The following AP1AR variants were observed in gnomAD, a reference collection of about 807,000 sequenced individuals.
The protein encoded by AP1AR is AP-1 complex-associated regulatory protein.
Under a neutral mutation model 46.3 loss-of-function variants are expected in AP1AR, and 29 were observed. The ratio of observed to expected loss-of-function variants is 0.63; its 90% confidence interval spans 0.47 to 0.85. AP1AR has a LOEUF of 0.85. AP1AR is among the 40% of genes least tolerant of loss of function. AP1AR has a pLI of 0.00. For synonymous variants in AP1AR, 122 were observed against 122.9 expected, an observed-to-expected ratio of 0.99 and a Z score of 0.05; for missense variants, 357 against 356.3, an observed-to-expected ratio of 1.00 and a Z score of -0.02.
At chr4:112,258,950 C>T (rs1726324082) in intron 4 of AP1AR, among the ~76,000 whole-genome samples, 1 of 151,972 alleles carries the variant, frequency 6.6e-6, no homozygotes. Context: ...ACCAAGATCA[C>T]CTAACTGAGG....
chr4:112,257,738 ATTTGT>A (rs33918954), intron 3 of AP1AR, 29 bp from the exon 4 acceptor site: 783,088 of 1,505,916 alleles, frequency 0.52, 213,297 homozygotes, highest in African/African-American at 0.83. Flanking sequence ...TAGCTAATGA[ATTTGT>A]TTTAATTGTT....
chr4:112,240,681 G>T (rs1253085499), intron 1 of AP1AR, among the ~76,000 whole-genome samples: 2 of 152,068 alleles, frequency 1.3e-5, no homozygotes, highest in African/African-American at 4.8e-5. Context: ...TGGAGGCCTG[G>T]CTCATTCCTC....
At chr4:112,235,261 T>C (rs1725190956) in intron 1 of AP1AR, among the ~76,000 whole-genome samples, 1 of 152,256 alleles carries the variant, frequency 6.6e-6, no homozygotes. Context: ...GACTTAGTTT[T>C]TTCTTTCTCA....
chr4:112,232,928 A>G (rs1375234445), intron 1 of AP1AR, among the ~76,000 whole-genome samples: 2 of 152,228 alleles, frequency 1.3e-5, no homozygotes, highest in East Asian at 3.8e-4. Flanking sequence ...TGCACCATCC[A>G]CAGAATAGTA....
chr4:112,260,670 T>C, intron 4 of AP1AR, 96 bp from the exon 5 acceptor site: 2 of 751,200 alleles, frequency 2.7e-6, no homozygotes, highest in East Asian at 2.9e-5. Context: ...ACAGCAAAAT[T>C]TGAGAATTTC....
intron 4 of AP1AR, among the ~76,000 whole-genome samples, chr4:112,259,663 G>A (rs1726355397): frequency 6.6e-6 from 1 of 152,146 alleles, no homozygotes; most frequent in East Asian, 1.9e-4. Flanking sequence ...TCACATGGAA[G>A]AGAGGTGCAA....
At chr4:112,250,902 T>A (rs1190204302) in intron 1 of AP1AR, among the ~76,000 whole-genome samples, 1 of 152,220 alleles carries the variant, frequency 6.6e-6, no homozygotes, top group Non-Finnish European at 1.5e-5. Context: ...ATCACTTATA[T>A]TCATGTTTAT....
At chr4:112,234,038 TTTAGTAGAG>T (rs1253719773) in intron 1 of AP1AR, among the ~76,000 whole-genome samples, 1 of 152,180 alleles carries the variant, frequency 6.6e-6, no homozygotes, top group East Asian at 1.9e-4. Context: ...TTTTTGTATT[TTTAGTAGAG>T]ACCGGGTTTC....
chr4:112,257,907 C>A, intron 4 of AP1AR, 110 bp downstream of exon 4: 2 of 896,190 alleles, frequency 2.2e-6, no homozygotes, highest in South Asian at 2.3e-5. Flanking sequence ...AAACAGTTTA[C>A]ATTTCAGAAC....
intron 1 of AP1AR, among the ~76,000 whole-genome samples, chr4:112,244,913 T>C (rs561151610): frequency 6.6e-6 from 1 of 152,326 alleles, no homozygotes; most frequent in East Asian, 1.9e-4. Flanking sequence ...AATACTGTTT[T>C]TTAGCTTCCT....
intron 1 of AP1AR, among the ~76,000 whole-genome samples, chr4:112,242,473 T>C (rs1725546785): frequency 6.6e-6 from 1 of 151,916 alleles, no homozygotes; most frequent in Non-Finnish European, 1.5e-5. Flanking sequence ...CTTACTTGGC[T>C]CACAATTTTG....
intron 1 of AP1AR, among the ~76,000 whole-genome samples, chr4:112,251,337 C>G (rs538576686): frequency 2.4e-4 from 36 of 152,220 alleles, no homozygotes; most frequent in Non-Finnish European, 7.3e-5. Flanking sequence ...ACAGATAACA[C>G]TTTTGCCTAC....
Position 112,258,111 on chromosome 4 carries a change from C to A in AP1AR, c.185+314C>A, listed in dbSNP as rs1169831144. 2.6e-5 allele frequency among the ~76,000 whole-genome samples: 4 copies of A among 152,056 alleles called. No homozygotes were observed. In the South Asian group the frequency reaches 8.3e-4, roughly 31 times the overall value. ...AATTTTTTAACTTTATTGCCCCTTT[C>A]TTTCCTTATGCATTCTAAAACTTAT... On this transcript the variant is annotated intron_variant, in intron 4 of 9. Transcript: ENST00000274000.
At chr4:112,242,325 A>T (rs1453638599) in intron 1 of AP1AR, among the ~76,000 whole-genome samples, 2 of 152,162 alleles carry the variant, frequency 1.3e-5, no homozygotes, top group Admixed American at 1.3e-4. Context: ...TCCATCGTTC[A>T]GAGTATTATT....
At chr4:112,251,504 T>G (rs1007805331) in intron 1 of AP1AR, among the ~76,000 whole-genome samples, 3 of 152,212 alleles carry the variant, frequency 2.0e-5, no homozygotes, top group African/African-American at 4.8e-5. Context: ...ATGGCTCCTA[T>G]TGATAGTATT....
chr4:112,244,298 A>G (rs1457879009), intron 1 of AP1AR, among the ~76,000 whole-genome samples: 1 of 152,176 alleles, frequency 6.6e-6, no homozygotes, highest in African/African-American at 2.4e-5. Context: ...AGCAATTTTA[A>G]TGGAAGAGCA....
chr4:112,261,766 T>C (rs972399999), intron 5 of AP1AR, among the ~76,000 whole-genome samples: 2 of 151,608 alleles, frequency 1.3e-5, no homozygotes, highest in Non-Finnish European at 2.9e-5. Context: ...CCCAGGAATT[T>C]GAGACCAGCC....
intron 1 of AP1AR, among the ~76,000 whole-genome samples, chr4:112,243,435 A>G (rs1344802173): frequency 6.6e-6 from 1 of 152,044 alleles, no homozygotes; most frequent in Non-Finnish European, 1.5e-5. Context: ...TAATCCTTCC[A>G]CTTCTCTCAC....
intron 3 of AP1AR, 27 bp from the exon 4 acceptor site, chr4:112,257,745 T>G (rs1178099388): frequency 6.5e-7 from 1 of 1,531,296 alleles, no homozygotes; most frequent in Non-Finnish European, 8.8e-7. Flanking sequence ...TGAATTTGTT[T>G]TAATTGTTTA....
Sources: allele counts gnomAD v4.1 joint callset (sites outside exome capture counted in the v4.1 genomes callset), GRCh38; gene constraint gnomAD v4.1.1; transcripts MANE v1.5; gene names NCBI Gene and HGNC (gene_info 2026-07-23, HGNC 2026-07-21).